The following ABCB5 variants were observed in gnomAD, a reference collection of about 807,000 sequenced individuals.
ABCB5 encodes the protein ATP binding cassette subfamily B member 5.
A neutral mutation model predicts 144.2 loss-of-function variants in ABCB5; 155 were observed. The observed-to-expected ratio is 1.08, with a 90% CI of 0.94 to 1.23. The LOEUF is 1.23. Ranked by LOEUF, ABCB5 falls within the 50% of genes most tolerant of loss-of-function variation. The probability of loss-of-function intolerance (pLI) is 0.00; values close to 1 mark genes in which losing one functional copy is unlikely to be tolerated. For missense variants in ABCB5, 1,830 were observed against 1,520.8 expected (o/e 1.20, Z -3.38); for synonymous variants, 610 against 528.6 (o/e 1.15, Z -2.11).
Position 20,617,798 on chromosome 7 carries a change from A to G in ABCB5, c.-22+1961A>G, listed in dbSNP as rs115302678. Among the ~76,000 whole-genome samples the G allele has an allele frequency of 9.9e-3, 1,504 of 152,338 alleles. 23 individuals are homozygous for G. The highest frequency in any genetic ancestry group is 0.034 in the African/African-American group (1,431 of 41,582). Reference sequence around the variant, plus strand: ...GATAATCCTGCAAATATTAACCAAAAGAGAGCTGGAATGGTTATAGTAATA... The same window carrying G: ...GATAATCCTGCAAATATTAACCAAAGGAGAGCTGGAATGGTTATAGTAATA... On this transcript the variant is annotated intron_variant, in intron 1 of 27. Coordinates refer to ENST00000404938, the MANE Select transcript of ABCB5 (RefSeq NM_001163941.2).
At chr7:20,619,705 T>G (rs910448128) in intron 1 of ABCB5, among the ~76,000 whole-genome samples, 3 of 152,206 alleles carry the variant, frequency 2.0e-5, no homozygotes, top group Admixed American at 6.5e-5. Context: ...TGCCAATTTT[T>G]GCTTCTGTCA....
Position 20,726,613 on chromosome 7 carries a change from C to T in ABCB5, c.2626-427C>T, listed in dbSNP as rs139137924. On this transcript the variant is annotated intron_variant, in intron 21 of 27. Transcript: ENST00000404938. ...AACTCCTGGCCTCAAGTAATCGGCC[C>T]GCCTTGGCCTCCCAAAGTACTGGGA... Among the ~76,000 whole-genome samples the T allele has an allele frequency of 3.0e-3, 449 of 152,180 alleles. 6 individuals carry two copies. Among genetic ancestry groups the T allele is most frequent in the African/African-American group, 0.01 (425 of 41,512 alleles).
chr7:20,658,141 GC>G (rs1784871602), intron 13 of ABCB5, among the ~76,000 whole-genome samples: 1 of 152,082 alleles, frequency 6.6e-6, no homozygotes, highest in South Asian at 2.1e-4. Context: ...AATAAACACT[GC>G]AGAAAATAGG....
At chr7:20,647,062 CT>C (rs2128024107) in intron 9 of ABCB5, among the ~76,000 whole-genome samples, 1 of 152,286 alleles carries the variant, frequency 6.6e-6, no homozygotes, top group Admixed American at 6.5e-5. Flanking sequence ...AAATGGACAG[CT>C]GTCCCCTAAT....
chr7:20,620,203 T>C (rs1480341040), intron 1 of ABCB5, among the ~76,000 whole-genome samples: 8 of 152,102 alleles, frequency 5.3e-5, no homozygotes, highest in Non-Finnish European at 1.0e-4. Flanking sequence ...ATATCCACAT[T>C]CAAAAGAATG....
In ABCB5 at chr7:20,670,700, G is replaced by A. The variant is rs148412401; in HGVS notation, c.1708-10805G>A. ...CAAGGTGGGCGCATCACCTGAGGTCGGGAGTTTGAGACCAGCCTGACCAAC... is the reference window on the plus strand; with the variant it reads ...CAAGGTGGGCGCATCACCTGAGGTCAGGAGTTTGAGACCAGCCTGACCAAC... On this transcript the variant is annotated intron_variant, in intron 14 of 27. Coordinates refer to ENST00000404938, the MANE Select transcript of ABCB5 (RefSeq NM_001163941.2). Among the ~76,000 whole-genome samples, 1,427 of 152,216 alleles carry A rather than the reference G, an allele frequency of 9.4e-3. 7 individuals are homozygous for A. The highest frequency in any genetic ancestry group is 0.015 in the Non-Finnish European group (997 of 68,012).
At chr7:20,709,931 T>G (rs1053694053) in intron 20 of ABCB5, among the ~76,000 whole-genome samples, 2 of 147,842 alleles carry the variant, frequency 1.4e-5, no homozygotes, top group Non-Finnish European at 3.0e-5. Flanking sequence ...AAAAATTAGC[T>G]GGGTGTGGTG....
intron 11 of ABCB5, among the ~76,000 whole-genome samples, chr7:20,649,723 A>T (rs1208850582): frequency 6.6e-6 from 1 of 152,230 alleles, no homozygotes; most frequent in African/African-American, 2.4e-5. Flanking sequence ...CATTAACTTG[A>T]TAGTCAAAAT....
chr7:20,723,344 C>G (rs1231683801), intron 21 of ABCB5, 125 bp downstream of exon 21: 11 of 1,005,240 alleles, frequency 1.1e-5, no homozygotes, highest in Non-Finnish European at 1.5e-5. Context: ...TCTTAGGGAT[C>G]TGTAAAGTGA....
intron 14 of ABCB5, among the ~76,000 whole-genome samples, chr7:20,675,206 A>G (rs1224030576): frequency 6.6e-6 from 1 of 152,062 alleles, no homozygotes; most frequent in Non-Finnish European, 1.5e-5. Context: ...GAGAAGAAAA[A>G]CAAAGCTGAA....
At chr7:20,646,209 C>A in intron 9 of ABCB5, 71 bp downstream of exon 9, 1 of 1,431,410 alleles carries the variant, frequency 7.0e-7, no homozygotes, top group Non-Finnish European at 9.4e-7. Flanking sequence ...CAAAATTCCT[C>A]TTTGAAGATA....
chr7:20,728,487 C>T (rs763563287), intron 23 of ABCB5, 32 bp downstream of exon 23: 2 of 1,608,186 alleles, frequency 1.2e-6, no homozygotes, highest in South Asian at 1.1e-5. Flanking sequence ...GACCTGGTAG[C>T]TCACACCTGT....
At chr7:20,665,382 C>T (rs528731350) in intron 14 of ABCB5, among the ~76,000 whole-genome samples, 4 of 152,142 alleles carry the variant, frequency 2.6e-5, no homozygotes, top group African/African-American at 9.7e-5. Flanking sequence ...GCCCTGGAAC[C>T]CATGTCGACC....
chr7:20,635,115 G>C (rs945092915), intron 5 of ABCB5, among the ~76,000 whole-genome samples: 51 of 151,848 alleles, frequency 3.4e-4, no homozygotes, highest in African/African-American at 1.2e-3. Flanking sequence ...TTATTCTTTT[G>C]CTTACAGATT....
At chr7:20,664,997 T>C (rs1036001069) in intron 14 of ABCB5, among the ~76,000 whole-genome samples, 1 of 152,252 alleles carries the variant, frequency 6.6e-6, no homozygotes, top group African/African-American at 2.4e-5. Context: ...AATAATTTTA[T>C]GTTATCTCTA....
intron 14 of ABCB5, among the ~76,000 whole-genome samples, chr7:20,665,808 C>T (rs924841207): frequency 2.8e-4 from 41 of 147,378 alleles, no homozygotes; most frequent in African/African-American, 9.5e-4. Flanking sequence ...TACATACATA[C>T]AGATATAGAT....
At chr7:20,722,578 G>C (rs1781903920) in intron 20 of ABCB5, among the ~76,000 whole-genome samples, 1 of 152,066 alleles carries the variant, frequency 6.6e-6, no homozygotes, top group Admixed American at 6.6e-5. Flanking sequence ...CTTAGTTTAG[G>C]GCATTTTGAG....
At chr7:20,721,960 G>T (rs1210245534) in intron 20 of ABCB5, among the ~76,000 whole-genome samples, 1 of 152,124 alleles carries the variant, frequency 6.6e-6, no homozygotes, top group African/African-American at 2.4e-5. Flanking sequence ...TAAATTTTAA[G>T]TACATGTCAA....
rs534768118 is a variant in ABCB5 at position 20,685,696 on chromosome 7, G to T, written c.1870G>T (p.Asp624Tyr). The T allele has an allele frequency of 9.4e-6, 15 of 1,599,422 alleles. No homozygotes were observed. The East Asian group carries it at 2.9e-4, about 31-fold the overall frequency. The stretch of plus-strand genomic sequence containing the variant: ...ATAACCTATATATTCTTCCTGTAAG[G>T]ATATTAAAAAAGCTGATGAACAGAT... ...GLYYSLVMSQDIKKADEQMES... is the reference protein window; with the variant it reads ...GLYYSLVMSQYIKKADEQMES... The change falls in exon 16 of 28, where the codon GAT becomes TAT. Residue 624 changes from aspartate (D) to tyrosine (Y), a missense_variant and splice_region_variant. Coordinates refer to ENST00000404938, the MANE Select transcript of ABCB5 (RefSeq NM_001163941.2).
Sources: gnomAD v4.1 joint callset for allele counts (sites outside exome capture counted in the v4.1 genomes callset) on GRCh38, gnomAD v4.1.1 for gene constraint, MANE v1.5 for transcripts, NCBI Gene and HGNC (gene_info 2026-07-23, HGNC 2026-07-21) for gene names.